The following STXBP5L variants were observed in gnomAD, a reference collection of about 807,000 sequenced individuals.
STXBP5L encodes the protein syntaxin-binding protein 5-like.
A neutral mutation model predicts 144.5 loss-of-function variants in STXBP5L; 65 were observed. The observed-to-expected ratio is 0.45, with a 90% CI of 0.37 to 0.55. STXBP5L has a LOEUF of 0.55. Ranked by LOEUF, STXBP5L falls within the 20% of genes least tolerant of loss-of-function variation. The probability of loss-of-function intolerance (pLI) is 0.00; values close to 1 mark genes in which losing one functional copy is unlikely to be tolerated. For synonymous variants in STXBP5L, 505 were observed against 469.6 expected (o/e 1.08, Z -0.97); for missense variants, 1,298 against 1,405.5 (o/e 0.92, Z 1.22).
intron 20 of STXBP5L, among the ~76,000 whole-genome samples, chr3:121,350,135 C>T (rs967090415): frequency 1.3e-5 from 2 of 152,104 alleles, no homozygotes; most frequent in African/African-American, 4.8e-5. Context: ...CCTTCAGGAG[C>T]TCTTTTAGGG....
At chr3:121,107,469 G>A (rs528259142) in intron 5 of STXBP5L, among the ~76,000 whole-genome samples, 34 of 152,228 alleles carry the variant, frequency 2.2e-4, no homozygotes, top group African/African-American at 7.9e-4. Flanking sequence ...ATATTAAATA[G>A]GGAATCCTTT....
chr3:121,064,771 G>A (rs773267093), intron 5 of STXBP5L, among the ~76,000 whole-genome samples: 2 of 152,202 alleles, frequency 1.3e-5, no homozygotes, highest in Admixed American at 1.3e-4. Context: ...AGGATGCATG[G>A]GCATGTTTAA....
chr3:120,974,009 C>T (rs1226449603), intron 3 of STXBP5L, among the ~76,000 whole-genome samples: 3 of 152,112 alleles, frequency 2.0e-5, no homozygotes, highest in Non-Finnish European at 4.4e-5. Flanking sequence ...CATACGTGTG[C>T]ATGTGTCTTT....
intron 19 of STXBP5L, among the ~76,000 whole-genome samples, chr3:121,317,231 G>A (rs1297528107): frequency 1.3e-5 from 2 of 152,122 alleles, no homozygotes; most frequent in Non-Finnish European, 2.9e-5. Flanking sequence ...AAAAAATAGA[G>A]CAAACAGTAA....
At chr3:121,091,699 C>A (rs554566446) in intron 5 of STXBP5L, among the ~76,000 whole-genome samples, 1 of 152,060 alleles carries the variant, frequency 6.6e-6, no homozygotes, top group Non-Finnish European at 1.5e-5. Context: ...GAGTAGGTTG[C>A]GAAAATTTTC....
chr3:120,955,809 T>G (rs952508901), intron 3 of STXBP5L, among the ~76,000 whole-genome samples: 7 of 151,978 alleles, frequency 4.6e-5, no homozygotes, highest in African/African-American at 1.7e-4. Context: ...AACCCCATCC[T>G]TGACCCCTAA....
chr3:121,119,997 A>G (rs1378423143), intron 6 of STXBP5L, among the ~76,000 whole-genome samples: 1 of 151,378 alleles, frequency 6.6e-6, no homozygotes, highest in Non-Finnish European at 1.5e-5. Context: ...CTGTGATTTC[A>G]TTAATATGAT....
In STXBP5L at chr3:120,940,348, G is replaced by A. The variant is rs564854805; in HGVS notation, c.190-14592G>A. On this transcript the variant is annotated intron_variant, in intron 2 of 26. Coordinates refer to ENST00000471454, the MANE Select transcript of STXBP5L (RefSeq NM_001308330.2). ...GAAGTACTAGGGCAGGAAGAAAGAT[G>A]GAGTGGAAGCCATGACCATAAAAGA... Among the ~76,000 whole-genome samples, 223 of 151,962 alleles carry A rather than the reference G, an allele frequency of 1.5e-3. 1 individual carries two copies. The highest frequency in any genetic ancestry group is 6.8e-3 in the Middle Eastern group (2 of 294).
chr3:121,318,238 G>T (rs1450643193), intron 19 of STXBP5L, among the ~76,000 whole-genome samples: 2 of 151,988 alleles, frequency 1.3e-5, no homozygotes, highest in African/African-American at 4.8e-5. Flanking sequence ...TGGGAGTATT[G>T]CTTCAGCCCA....
At chr3:121,108,756 T>A (rs560240488) in intron 5 of STXBP5L, among the ~76,000 whole-genome samples, 67 of 152,280 alleles carry the variant, frequency 4.4e-4, no homozygotes, top group African/African-American at 1.6e-3. Flanking sequence ...GTCCTTCCTT[T>A]TAATTTGTTT....
chr3:121,005,963 T>C (rs1944260026), intron 3 of STXBP5L, among the ~76,000 whole-genome samples: 2 of 152,232 alleles, frequency 1.3e-5, no homozygotes, highest in African/African-American at 4.8e-5. Context: ...AGGAGTGCTT[T>C]ACTTCCAACT....
At chr3:121,335,783 G>C (rs2044484627) in intron 20 of STXBP5L, among the ~76,000 whole-genome samples, 1 of 152,184 alleles carries the variant, frequency 6.6e-6, no homozygotes, top group Non-Finnish European at 1.5e-5. Context: ...ATGGAGGAAA[G>C]ACTTAAATGT....
intron 2 of STXBP5L, among the ~76,000 whole-genome samples, chr3:120,946,432 C>T (rs1430600349): frequency 1.3e-5 from 2 of 151,710 alleles, no homozygotes; most frequent in East Asian, 3.9e-4. Flanking sequence ...TTGCCTTTAC[C>T]ATTAAGAATA....
chr3:121,384,963 A>C (rs1017234222), intron 22 of STXBP5L, among the ~76,000 whole-genome samples: 1 of 152,016 alleles, frequency 6.6e-6, no homozygotes, highest in Non-Finnish European at 1.5e-5. Context: ...ACTATAAATT[A>C]TTCTATAATG....
chr3:121,086,063 A>G (rs2042476489), intron 5 of STXBP5L, among the ~76,000 whole-genome samples: 1 of 152,206 alleles, frequency 6.6e-6, no homozygotes, highest in Non-Finnish European at 1.5e-5. Context: ...CAATGGGGAA[A>G]TAATTCCCTA....
intron 2 of STXBP5L, among the ~76,000 whole-genome samples, chr3:120,941,339 CAT>C (rs907298159): frequency 1.5e-4 from 22 of 151,724 alleles, no homozygotes; most frequent in African/African-American, 5.3e-4. Context: ...GTATGCATAA[CAT>C]ATTGGCAATT....
intron 3 of STXBP5L, among the ~76,000 whole-genome samples, chr3:120,955,992 G>T (rs896684010): frequency 6.6e-6 from 1 of 151,842 alleles, no homozygotes; most frequent in Non-Finnish European, 1.5e-5. Context: ...ATACTGAATT[G>T]GATAATATTC....
At chr3:121,070,666 C>G (rs1234939350) in intron 5 of STXBP5L, among the ~76,000 whole-genome samples, 1 of 152,110 alleles carries the variant, frequency 6.6e-6, no homozygotes, top group Non-Finnish European at 1.5e-5. Flanking sequence ...CCACCAAGAA[C>G]AGACATACCC....
chr3:121,396,093 C>T (rs1045398180), intron 22 of STXBP5L, among the ~76,000 whole-genome samples: 3 of 152,236 alleles, frequency 2.0e-5, no homozygotes, highest in African/African-American at 4.8e-5. Context: ...CCCACCAAAT[C>T]AGTTGTTCTG....
Sources: gnomAD v4.1 joint callset for allele counts (sites outside exome capture counted in the v4.1 genomes callset) on GRCh38, gnomAD v4.1.1 for gene constraint, MANE v1.5 for transcripts, NCBI Gene and HGNC (gene_info 2026-07-23, HGNC 2026-07-21) for gene names.